DCLK2: variants seen among roughly 807,000 people sequenced by gnomAD.
The protein encoded by DCLK2 is serine/threonine-protein kinase DCLK2.
DCLK2 carries 31 observed loss-of-function variants against 78.4 expected under a neutral mutation model. The observed-to-expected ratio is 0.40, with a 90% CI of 0.30 to 0.53. The LOEUF (loss-of-function observed/expected upper bound fraction) is 0.53. Among genes scored for constraint, DCLK2 ranks in the 20% least tolerant of loss-of-function variants. DCLK2 has a pLI of 0.61. For missense variants in DCLK2, 872 were observed against 973.7 expected (o/e 0.90, Z 1.39); for synonymous variants, 407 against 374.9 (o/e 1.09, Z -0.99).
At chr4:150,151,059 A>G (rs1484735130) in intron 2 of DCLK2, among the ~76,000 whole-genome samples, 1 of 152,094 alleles carries the variant, frequency 6.6e-6, no homozygotes, top group Non-Finnish European at 1.5e-5. Context: ...CTCCTGCCAC[A>G]TCCCAGGCGT....
chr4:150,135,951 T>TG (rs1343418293), intron 2 of DCLK2, among the ~76,000 whole-genome samples: 1 of 152,202 alleles, frequency 6.6e-6, no homozygotes, highest in Non-Finnish European at 1.5e-5. Context: ...CAGAGCTTTG[T>TG]GGGGTTTCTC....
At position 150,220,697 on chromosome 4, in the gene DCLK2, T is replaced by G; in HGVS notation, c.1057-6T>G. On this transcript the variant is annotated splice_region_variant and splice_polypyrimidine_tract_variant and intron_variant, in intron 5 of 15. Coordinates refer to ENST00000296550, the MANE Select transcript of DCLK2 (RefSeq NM_001040260.4). ...CTGATAAATAATGGTCATTCTCCTC[T>G]TTCAGCAGATTTCTGCTCATGGCAG... The G allele has an allele frequency of 6.2e-7, 1 of 1,612,018 alleles. No homozygotes were observed. Among genetic ancestry groups the G allele is most frequent in the South Asian group, 1.1e-5 (1 of 90,700 alleles).
chr4:150,243,166 AT>A (rs1743053394), intron 12 of DCLK2, among the ~76,000 whole-genome samples: 1 of 152,180 alleles, frequency 6.6e-6, no homozygotes, highest in African/African-American at 2.4e-5. Flanking sequence ...TGCATTTATC[AT>A]GGATTGATAC....
chr4:150,237,808 A>C (rs931002933), intron 10 of DCLK2, among the ~76,000 whole-genome samples: 1 of 152,258 alleles, frequency 6.6e-6, no homozygotes, highest in Non-Finnish European at 1.5e-5. Context: ...TCAGCAAAAT[A>C]TGAGACAAAG....
intron 1 of DCLK2, among the ~76,000 whole-genome samples, chr4:150,090,857 G>A (rs570539209): frequency 2.0e-4 from 30 of 152,236 alleles, no homozygotes; most frequent in Admixed American, 3.9e-4. Context: ...TATTGAAAAA[G>A]TAATGGTCTT....
intron 2 of DCLK2, among the ~76,000 whole-genome samples, chr4:150,174,100 A>C (rs1736760441): frequency 1.3e-5 from 2 of 152,170 alleles, no homozygotes; most frequent in Non-Finnish European, 2.9e-5. Flanking sequence ...CGGGAATGGC[A>C]GTCACCACTA....
rs191756573 is a variant in DCLK2, at chr4:150,141,716, G to C, written c.756+38904G>C. ...CCTGAGGTGTACGTTCATTTTTTTA[G>C]CAGAAAGATGTGAAGCAATATGTGA... On this transcript the variant is annotated intron_variant, in intron 2 of 15. Coordinates refer to ENST00000296550, the MANE Select transcript of DCLK2 (RefSeq NM_001040260.4). 9.9e-5 allele frequency among the ~76,000 whole-genome samples: 15 copies of C among 152,250 alleles called. No individual in the cohort carries two copies. The East Asian group carries it at 2.9e-3, about 29-fold the overall frequency.
In DCLK2 at chr4:150,078,912, C is replaced by T; in HGVS notation, c.-116C>T. On this transcript the variant is annotated 5_prime_UTR_variant, in exon 1 of 16. Transcript: ENST00000296550. ...CACCTGCGCGGAGAGGGCGGGATGC[C>T]AGAGCCAGGTGTCCCGGCGCGTTAA... 7.6e-7 allele frequency: 1 copy of T among 1,318,464 alleles called. No individual in the cohort carries two copies. The highest frequency in any genetic ancestry group is 2.9e-5 in the East Asian group (1 of 34,808). The allele number at this position is 1,318,464 out of a possible 1,614,324, so 81.7% of individuals were successfully genotyped here.
At chr4:150,137,959 A>G (rs1003361093) in intron 2 of DCLK2, among the ~76,000 whole-genome samples, 1 of 152,204 alleles carries the variant, frequency 6.6e-6, no homozygotes, top group Non-Finnish European at 1.5e-5. Context: ...TATCCAGGGG[A>G]ACCTGTGGGA....
At chr4:150,233,108 T>C (rs2126573841) in intron 10 of DCLK2, among the ~76,000 whole-genome samples, 1 of 152,340 alleles carries the variant, frequency 6.6e-6, no homozygotes, top group East Asian at 1.9e-4. Flanking sequence ...TGACTCACAG[T>C]TCCACAGGCT....
Position 150,078,872 on chromosome 4 carries a change from G to T in DCLK2, c.-156G>T. On this transcript the variant is annotated 5_prime_UTR_variant, in exon 1 of 16. Transcript: ENST00000296550. ...AGGGCGCGGGCGGGTCGGCTCCTCC[G>T]CGGCTCCTCGGCCCCACCTGCGCGG... 1 of 991,468 alleles carries T rather than the reference G, an allele frequency of 1.0e-6. No individual in the cohort carries two copies. Among genetic ancestry groups the T allele is most frequent in the East Asian group, 3.1e-5 (1 of 32,064 alleles). 61.4% of individuals were successfully genotyped at this position (991,468 alleles called of 1,614,324 possible).
chr4:150,184,288 C>A (rs112520228), intron 2 of DCLK2, among the ~76,000 whole-genome samples: 16 of 152,252 alleles, frequency 1.1e-4, no homozygotes, highest in African/African-American at 3.6e-4. Flanking sequence ...AAAGCTAAAT[C>A]TTGAACAGAA....
intron 9 of DCLK2, 82 bp downstream of exon 9, chr4:150,232,538 G>A: frequency 1.9e-6 from 3 of 1,555,926 alleles, no homozygotes; most frequent in African/African-American, 2.7e-5. Flanking sequence ...AAAGTGTATT[G>A]CTACCTCATA....
chr4:150,215,604 C>T (rs6847681), intron 5 of DCLK2, among the ~76,000 whole-genome samples: 18,507 of 152,250 alleles, frequency 0.12, 1,470 homozygotes, highest in Non-Finnish European at 0.18. Context: ...CATGGCCTCC[C>T]TGGGCATGCC....
intron 9 of DCLK2, 49 bp from the exon 10 acceptor site, chr4:150,232,633 T>C: frequency 3.1e-6 from 5 of 1,593,168 alleles, no homozygotes; most frequent in Non-Finnish European, 4.3e-6. Context: ...CTTACCTTCA[T>C]AGGATTGCAC....
chr4:150,104,647 A>C (rs535334860), intron 2 of DCLK2, among the ~76,000 whole-genome samples: 3 of 152,166 alleles, frequency 2.0e-5, no homozygotes, highest in South Asian at 4.1e-4. Context: ...TATTCATGAG[A>C]TCTATAGGAT....
At chr4:150,197,884 T>C (rs1739170834) in intron 3 of DCLK2, 118 bp from the exon 4 acceptor site, 2 of 702,758 alleles carry the variant, frequency 2.8e-6, no homozygotes, top group South Asian at 2.2e-5. Flanking sequence ...TGTTAAATTG[T>C]TTAACAGTAA....
intron 2 of DCLK2, among the ~76,000 whole-genome samples, chr4:150,171,033 C>T (rs1291591562): frequency 6.6e-6 from 1 of 152,148 alleles, no homozygotes; most frequent in Non-Finnish European, 1.5e-5. Context: ...TTTATTTGGT[C>T]TTCTATAGGT....
At chr4:150,247,725 G>A in intron 13 of DCLK2, 26 bp downstream of exon 13, 1 of 1,586,968 alleles carries the variant, frequency 6.3e-7, no homozygotes, top group South Asian at 1.1e-5. Context: ...GTTTCTGTGG[G>A]TTGTATTACG....
Sources: allele counts gnomAD v4.1 joint callset (sites outside exome capture counted in the v4.1 genomes callset), GRCh38; gene constraint gnomAD v4.1.1; transcripts MANE v1.5; gene names NCBI Gene and HGNC (gene_info 2026-07-23, HGNC 2026-07-21).